Variants in AMPH observed in about 807,000 individuals in gnomAD.
The protein encoded by AMPH is amphiphysin (Stiff-Mann syndrome with breast cancer 128kD autoantigen).
A neutral mutation model predicts 99.1 loss-of-function variants in AMPH; 49 were observed. The observed-to-expected ratio is 0.49, with a 90% CI of 0.39 to 0.63. The LOEUF is 0.63. Ranked by LOEUF, AMPH falls within the 20% of genes least tolerant of loss-of-function variation. The probability of loss-of-function intolerance (pLI) is 0.00; values close to 1 mark genes in which losing one functional copy is unlikely to be tolerated. For missense variants in AMPH, 759 were observed against 863.4 expected, an observed-to-expected ratio of 0.88 and a Z score of 1.52; for synonymous variants, 314 against 317.3, an observed-to-expected ratio of 0.99 and a Z score of 0.11.
chr7:38,549,002 C>T (rs1791089830), intron 1 of AMPH, among the ~76,000 whole-genome samples: 1 of 152,232 alleles, frequency 6.6e-6, no homozygotes, highest in African/African-American at 2.4e-5. Flanking sequence ...GGCACAGCTG[C>T]CGGCATTCAC....
chr7:38,557,422 T>C (rs1057205466), intron 1 of AMPH, among the ~76,000 whole-genome samples: 1 of 139,008 alleles, frequency 7.2e-6, no homozygotes, highest in Non-Finnish European at 1.5e-5. Flanking sequence ...CCTGTTCTCA[T>C]TGATAGTGAG....
At chr7:38,497,509 T>A (rs545153191) in intron 3 of AMPH, among the ~76,000 whole-genome samples, 5 of 152,352 alleles carry the variant, frequency 3.3e-5, no homozygotes, top group African/African-American at 9.6e-5. Context: ...ATTTGTGAGC[T>A]TCTATTTTCA....
chr7:38,511,561 A>G (rs1345279430), intron 2 of AMPH, among the ~76,000 whole-genome samples: 1 of 152,220 alleles, frequency 6.6e-6, no homozygotes, highest in African/African-American at 2.4e-5. Context: ...GCCTGAGGAA[A>G]CAAGAAAGCA....
chr7:38,401,138 G>C (rs1458801166), intron 17 of AMPH, among the ~76,000 whole-genome samples: 1 of 152,060 alleles, frequency 6.6e-6, no homozygotes, highest in African/African-American at 2.4e-5. Context: ...TTAAACACTA[G>C]TTGGTTTCAT....
chr7:38,391,605 C>T (rs1284173476), intron 19 of AMPH, 143 bp downstream of exon 19: 1 of 813,100 alleles, frequency 1.2e-6, no homozygotes, highest in East Asian at 2.7e-5. Context: ...CCTGGCTTGT[C>T]CAAGTGATGT....
intron 11 of AMPH, 88 bp downstream of exon 11, chr7:38,461,195 G>C: frequency 1.3e-6 from 2 of 1,491,410 alleles, no homozygotes; most frequent in African/African-American, 1.4e-5. Context: ...GTTGGTTCTG[G>C]AACCGCCACT....
intron 2 of AMPH, among the ~76,000 whole-genome samples, chr7:38,510,200 A>G (rs998472181): frequency 1.3e-5 from 2 of 152,120 alleles, no homozygotes; most frequent in African/African-American, 4.8e-5. Context: ...TGGCTTGCAG[A>G]TGACCACCTT....
intron 2 of AMPH, among the ~76,000 whole-genome samples, chr7:38,531,844 G>C (rs1198736043): frequency 6.6e-6 from 1 of 152,086 alleles, no homozygotes; most frequent in Non-Finnish European, 1.5e-5. Context: ...ATGGAATCTA[G>C]GTTTCCTAGA....
chr7:38,563,504 T>C (rs1304138832), intron 1 of AMPH, among the ~76,000 whole-genome samples: 1 of 152,110 alleles, frequency 6.6e-6, no homozygotes, highest in Non-Finnish European at 1.5e-5. Context: ...AACCAAAAAG[T>C]ACTATAATTG....
At chr7:38,600,853 A>G (rs1025771644) in intron 1 of AMPH, among the ~76,000 whole-genome samples, 4 of 152,180 alleles carry the variant, frequency 2.6e-5, no homozygotes, top group Non-Finnish European at 4.4e-5. Flanking sequence ...GGTAATTTGC[A>G]TAAGACATTA....
intron 1 of AMPH, among the ~76,000 whole-genome samples, chr7:38,535,535 G>A (rs1790566823): frequency 6.6e-6 from 1 of 152,164 alleles, no homozygotes; most frequent in Non-Finnish European, 1.5e-5. Context: ...CAGGATGACT[G>A]AAGCACACTA....
chr7:38,438,774 A>G (rs1465511664), intron 11 of AMPH, among the ~76,000 whole-genome samples: 1 of 152,148 alleles, frequency 6.6e-6, no homozygotes, highest in East Asian at 1.9e-4. Flanking sequence ...TTCTTCATGA[A>G]TAAAATGGGA....
chr7:38,551,872 T>C (rs1791194336), intron 1 of AMPH, among the ~76,000 whole-genome samples: 1 of 152,222 alleles, frequency 6.6e-6, no homozygotes, highest in South Asian at 2.1e-4. Context: ...GGAATTAACA[T>C]GGGTGCAAGA....
At chr7:38,574,861 CTGGTCAACA>C (rs1792175172) in intron 1 of AMPH, among the ~76,000 whole-genome samples, 1 of 151,970 alleles carries the variant, frequency 6.6e-6, no homozygotes. Context: ...CAAGACCTTC[CTGGTCAACA>C]TGGTGAAACC....
intron 1 of AMPH, among the ~76,000 whole-genome samples, chr7:38,625,201 G>T (rs1482842931): frequency 6.6e-6 from 1 of 152,158 alleles, no homozygotes; most frequent in African/African-American, 2.4e-5. Flanking sequence ...TGACATGTAT[G>T]CAACAGGTCT....
chr7:38,490,061 C>A (rs1370991135), intron 5 of AMPH, among the ~76,000 whole-genome samples: 1 of 152,154 alleles, frequency 6.6e-6, no homozygotes. Flanking sequence ...GTCTGCTCCA[C>A]AAACATTACA....
chr7:38,553,520 T>A (rs1233494211), intron 1 of AMPH, among the ~76,000 whole-genome samples: 3 of 152,230 alleles, frequency 2.0e-5, no homozygotes, highest in African/African-American at 7.2e-5. Flanking sequence ...TACTGAGGGA[T>A]CACACGTGCC....
intron 2 of AMPH, among the ~76,000 whole-genome samples, chr7:38,533,778 C>A (rs995767060): frequency 4.6e-5 from 7 of 152,130 alleles, no homozygotes; most frequent in African/African-American, 1.7e-4. Context: ...AATGCGCAAA[C>A]CCCATTTCCC....
intron 17 of AMPH, among the ~76,000 whole-genome samples, chr7:38,396,207 A>G (rs1302988562): frequency 6.6e-6 from 1 of 152,042 alleles, no homozygotes; most frequent in South Asian, 2.1e-4. Flanking sequence ...TGTAGGTCCC[A>G]TAATTCCCAT....
Sources: gnomAD v4.1 joint callset for allele counts (sites outside exome capture counted in the v4.1 genomes callset) on GRCh38, gnomAD v4.1.1 for gene constraint, MANE v1.5 for transcripts, NCBI Gene and HGNC (gene_info 2026-07-23, HGNC 2026-07-21) for gene names.